The following SAMSN1 variants were observed in gnomAD, a reference collection of about 807,000 sequenced individuals.
SAMSN1 encodes the protein SAM domain, SH3 domain and nuclear localization signals 1.
SAMSN1 carries 31 observed loss-of-function variants against 42.0 expected under a neutral mutation model. The observed-to-expected ratio is 0.74, with a 90% CI of 0.55 to 1.00. The LOEUF is 1.00. Ranked by LOEUF, SAMSN1 falls within the 50% of genes least tolerant of loss-of-function variation. The probability of loss-of-function intolerance (pLI) is 0.00; values close to 1 mark genes in which losing one functional copy is unlikely to be tolerated. For synonymous variants in SAMSN1, 178 were observed against 151.9 expected, an observed-to-expected ratio of 1.17 and a Z score of -1.26; for missense variants, 464 against 439.4, an observed-to-expected ratio of 1.06 and a Z score of -0.50.
chr21:14,537,144 G>A (rs998260366), intron 1 of SAMSN1, among the ~76,000 whole-genome samples: 1 of 152,216 alleles, frequency 6.6e-6, no homozygotes, highest in African/African-American at 2.4e-5. Context: ...CAGTGATCCA[G>A]CTCTTTGCGG....
chr21:14,486,547 G>A (rs940970348), intron 7 of SAMSN1, among the ~76,000 whole-genome samples: 2 of 152,044 alleles, frequency 1.3e-5, no homozygotes, highest in Non-Finnish European at 2.9e-5. Context: ...TGATCTTTGT[G>A]AACAATTTTA....
At chr21:14,649,790 C>T (rs1000556292) in intron 1 of SAMSN1, among the ~76,000 whole-genome samples, 74 of 151,408 alleles carry the variant, frequency 4.9e-4, no homozygotes, top group East Asian at 1.6e-3. Context: ...CACACACACA[C>T]ACACACACAC....
chr21:14,638,555 A>G (rs1983520875), intron 2 of SAMSN1, among the ~76,000 whole-genome samples: 2 of 152,128 alleles, frequency 1.3e-5, no homozygotes, highest in Admixed American at 1.3e-4. Context: ...TTTTAAATAT[A>G]CTTTTAAAAA....
At chr21:14,627,161 A>T (rs187846385) in intron 2 of SAMSN1, among the ~76,000 whole-genome samples, 2 of 152,292 alleles carry the variant, frequency 1.3e-5, no homozygotes, top group Admixed American at 1.3e-4. Flanking sequence ...TAGCATTAGG[A>T]GATATACCTA....
chr21:14,531,502 G>T (rs1016211163), intron 1 of SAMSN1, among the ~76,000 whole-genome samples: 1 of 151,484 alleles, frequency 6.6e-6, no homozygotes, highest in African/African-American at 2.4e-5. Context: ...TAATCAGAGA[G>T]AGGAAATCTC....
chr21:14,507,460 AC>A (rs1987466178), intron 5 of SAMSN1, among the ~76,000 whole-genome samples: 2 of 152,192 alleles, frequency 1.3e-5, no homozygotes, highest in African/African-American at 4.8e-5. Flanking sequence ...AAAAACAAAA[AC>A]AAAAACAAAA....
intron 2 of SAMSN1, among the ~76,000 whole-genome samples, chr21:14,568,327 A>G (rs974920841): frequency 1.3e-5 from 2 of 152,214 alleles, no homozygotes; most frequent in African/African-American, 4.8e-5. Context: ...TTCACATCTA[A>G]GCAGCACTGA....
chr21:14,634,018 T>C (rs962240570), intron 2 of SAMSN1, among the ~76,000 whole-genome samples: 2 of 152,172 alleles, frequency 1.3e-5, no homozygotes, highest in Non-Finnish European at 2.9e-5. Context: ...AGTAAGTGTA[T>C]AAAAAATTAA....
intron 5 of SAMSN1, among the ~76,000 whole-genome samples, chr21:14,509,195 A>G (rs1170221424): frequency 1.3e-5 from 2 of 152,144 alleles, no homozygotes; most frequent in African/African-American, 4.8e-5. Context: ...CATGGTGTAT[A>G]TATATACAAT....
intron 2 of SAMSN1, among the ~76,000 whole-genome samples, chr21:14,519,512 A>C (rs182320387): frequency 3.7e-4 from 57 of 152,202 alleles, no homozygotes; most frequent in Admixed American, 3.7e-3. Flanking sequence ...ACACACACAC[A>C]CACAAACACA....
chr21:14,606,761 T>G (rs2123313949), intron 5 of SAMSN1, among the ~76,000 whole-genome samples: 1 of 152,316 alleles, frequency 6.6e-6, no homozygotes, highest in South Asian at 2.1e-4. Flanking sequence ...GATAAAAATC[T>G]CCTTAGAAGA....
At chr21:14,654,748 G>A (rs140209949) in intron 1 of SAMSN1, among the ~76,000 whole-genome samples, 2 of 151,968 alleles carry the variant, frequency 1.3e-5, no homozygotes, top group Admixed American at 1.3e-4. Context: ...CTTGGAATAA[G>A]ATCTCTGGAC....
intron 7 of SAMSN1, among the ~76,000 whole-genome samples, chr21:14,488,911 A>G (rs1986557360): frequency 6.6e-6 from 1 of 152,186 alleles, no homozygotes. Context: ...ATAAAAAGGC[A>G]GGTCATTATG....
At chr21:14,534,809 G>A (rs1979500983) in intron 1 of SAMSN1, among the ~76,000 whole-genome samples, 1 of 152,084 alleles carries the variant, frequency 6.6e-6, no homozygotes, top group Non-Finnish European at 1.5e-5. Flanking sequence ...AGGCTCAACA[G>A]GCTTAAGAAA....
chr21:14,570,985 C>A (rs1981279716), intron 2 of SAMSN1, among the ~76,000 whole-genome samples: 1 of 152,190 alleles, frequency 6.6e-6, no homozygotes, highest in African/African-American at 2.4e-5. Flanking sequence ...TCTCTCCCAG[C>A]TATTATGAAT....
intron 2 of SAMSN1, among the ~76,000 whole-genome samples, chr21:14,565,038 T>C (rs896660245): frequency 1.3e-5 from 2 of 152,096 alleles, no homozygotes; most frequent in Non-Finnish European, 1.5e-5. Flanking sequence ...CTCACACCTG[T>C]AATCCCAGCA....
intron 2 of SAMSN1, among the ~76,000 whole-genome samples, chr21:14,559,999 T>A (rs1236028918): frequency 6.6e-6 from 1 of 152,164 alleles, no homozygotes; most frequent in Admixed American, 6.6e-5. Flanking sequence ...CTGTCAGGTG[T>A]CCAAAGACGG....
chr21:14,549,666 T>C (rs1266858974), upstream of SAMSN1, among the ~76,000 whole-genome samples: 1 of 152,094 alleles, frequency 6.6e-6, no homozygotes, highest in African/African-American at 2.4e-5. Flanking sequence ...ACTCTGAAAT[T>C]AAGATTTAAT....
At chr21:14,513,776 C>T (rs1987791398) in intron 3 of SAMSN1, among the ~76,000 whole-genome samples, 1 of 152,086 alleles carries the variant, frequency 6.6e-6, no homozygotes, top group South Asian at 2.1e-4. Context: ...AGACAGTTTT[C>T]CAAGCAAAAG....
Sources: gnomAD v4.1 joint callset for allele counts (sites outside exome capture counted in the v4.1 genomes callset) on GRCh38, gnomAD v4.1.1 for gene constraint, MANE v1.5 for transcripts, NCBI Gene and HGNC (gene_info 2026-07-23, HGNC 2026-07-21) for gene names.